KLF12: variants seen among roughly 807,000 people sequenced by gnomAD.
KLF12 encodes the protein KLF transcription factor 12, also known as Krueppel-like factor 12.
A neutral mutation model predicts 37.8 loss-of-function variants in KLF12; 9 were observed. The ratio of observed to expected loss-of-function variants is 0.24; its 90% confidence interval spans 0.14 to 0.42. The LOEUF is 0.42. KLF12 is among the 10% of genes least tolerant of loss of function. KLF12 has a pLI of 1.00. For missense variants in KLF12, 411 were observed against 516.0 expected, an observed-to-expected ratio of 0.80 and a Z score of 1.97; for synonymous variants, 208 against 202.1, an observed-to-expected ratio of 1.03 and a Z score of -0.25.
intron 3 of KLF12, among the ~76,000 whole-genome samples, chr13:73,918,527 C>T (rs1888956775): frequency 6.6e-6 from 1 of 152,076 alleles, no homozygotes; most frequent in Admixed American, 6.6e-5. Flanking sequence ...CTATTTTAGG[C>T]CGATTTTTAT....
chr13:74,136,511 G>A (rs1402556322), upstream of KLF12, among the ~76,000 whole-genome samples: 1 of 152,234 alleles, frequency 6.6e-6, no homozygotes, highest in African/African-American at 2.4e-5. Context: ...GTGGAAGGAT[G>A]CTGTAAGAAA....
At chr13:73,747,514 G>A (rs1372577758) in intron 6 of KLF12, among the ~76,000 whole-genome samples, 2 of 152,148 alleles carry the variant, frequency 1.3e-5, no homozygotes, top group Non-Finnish European at 2.9e-5. Flanking sequence ...ATCTATTAAA[G>A]GGTCAAAGTA....
chr13:73,993,821 C>T (rs1376404923), intron 2 of KLF12, among the ~76,000 whole-genome samples: 1 of 152,170 alleles, frequency 6.6e-6, no homozygotes, highest in Non-Finnish European at 1.5e-5. Context: ...GGAATAATTA[C>T]ACCACAGGAA....
intron 1 of KLF12, among the ~76,000 whole-genome samples, chr13:74,038,896 A>T (rs771272939): frequency 6.6e-6 from 1 of 152,022 alleles, no homozygotes; most frequent in Non-Finnish European, 1.5e-5. Context: ...CTTAGGGACG[A>T]TAACATCCCA....
intron 7 of KLF12, among the ~76,000 whole-genome samples, chr13:73,713,242 G>C (rs1875538844): frequency 6.6e-6 from 1 of 152,162 alleles, no homozygotes; most frequent in Non-Finnish European, 1.5e-5. Context: ...TCAACCAGAA[G>C]GTTCCAAGAC....
At chr13:73,941,515 G>A (rs1890184404) in intron 3 of KLF12, among the ~76,000 whole-genome samples, 1 of 152,114 alleles carries the variant, frequency 6.6e-6, no homozygotes, top group Non-Finnish European at 1.5e-5. Context: ...AGTCATAAAT[G>A]AGGAAGTCAT....
At chr13:73,858,354 C>T (rs755027982) in intron 3 of KLF12, among the ~76,000 whole-genome samples, 6 of 152,152 alleles carry the variant, frequency 3.9e-5, no homozygotes, top group South Asian at 4.1e-4. Flanking sequence ...AAAATTAACA[C>T]ATCCACTTAT....
chr13:74,047,652 T>C (rs1167117186), intron 1 of KLF12, among the ~76,000 whole-genome samples: 6 of 150,812 alleles, frequency 4.0e-5, no homozygotes, highest in African/African-American at 1.2e-4. Flanking sequence ...AGCAGCTGTA[T>C]TGCTGCCACA....
chr13:73,793,590 C>G (rs1881807887), intron 5 of KLF12, among the ~76,000 whole-genome samples: 1 of 152,168 alleles, frequency 6.6e-6, no homozygotes, highest in South Asian at 2.1e-4. Context: ...AGACTCCTTT[C>G]CAGTACAACT....
At chr13:73,852,272 T>G (rs538413075) in intron 3 of KLF12, among the ~76,000 whole-genome samples, 2 of 152,224 alleles carry the variant, frequency 1.3e-5, no homozygotes, top group East Asian at 3.9e-4. Context: ...TTTATAAAAC[T>G]GACAAAAACG....
chr13:73,839,258 A>ATTTTTTT (rs768668350), intron 4 of KLF12, among the ~76,000 whole-genome samples: 2 of 113,042 alleles, frequency 1.8e-5, no homozygotes, highest in Non-Finnish European at 3.8e-5. Flanking sequence ...ATACCTGGTT[A>ATTTTTTT]TTTTTTTTTT....
chr13:74,083,393 G>T (rs1002577538), intron 1 of KLF12, among the ~76,000 whole-genome samples: 1 of 151,804 alleles, frequency 6.6e-6, no homozygotes, highest in Non-Finnish European at 1.5e-5. Flanking sequence ...TGTAGTCCCC[G>T]CTACTCAACA....
intron 5 of KLF12, among the ~76,000 whole-genome samples, chr13:73,811,620 C>T (rs1227331232): frequency 3.9e-5 from 6 of 152,138 alleles, no homozygotes. Flanking sequence ...GTAGCTGTAT[C>T]AAAACCTTCT....
At chr13:74,070,687 G>A (rs1400793583) in intron 1 of KLF12, among the ~76,000 whole-genome samples, 3 of 152,148 alleles carry the variant, frequency 2.0e-5, no homozygotes, top group African/African-American at 7.2e-5. Flanking sequence ...TCTTGGTGAA[G>A]CAGATACTAA....
At chr13:73,771,680 C>A (rs368431035) in intron 5 of KLF12, among the ~76,000 whole-genome samples, 1 of 152,138 alleles carries the variant, frequency 6.6e-6, no homozygotes, top group African/African-American at 2.4e-5. Flanking sequence ...AGGATCCCTG[C>A]CCTCAGGCAG....
chr13:74,211,739 G>A, the KLF12 span, among the ~76,000 whole-genome samples: 3 of 152,278 alleles, frequency 2.0e-5, no homozygotes, highest in South Asian at 6.2e-4. Context: ...TTTCCAGTAG[G>A]AGAGGCAGAT....
the KLF12 span, among the ~76,000 whole-genome samples, chr13:74,272,732 A>T: frequency 6.6e-6 from 1 of 152,208 alleles, no homozygotes; most frequent in Non-Finnish European, 1.5e-5. Context: ...TTAAATACTT[A>T]GAAGAAGGCT....
chr13:74,101,157 G>A (rs1010920029), intron 1 of KLF12, among the ~76,000 whole-genome samples: 18 of 151,988 alleles, frequency 1.2e-4, no homozygotes, highest in East Asian at 1.9e-4. Context: ...TGCAAGCCAC[G>A]AGGAGCTCTG....
chr13:74,217,126 T>C, the KLF12 span, among the ~76,000 whole-genome samples: 2 of 152,210 alleles, frequency 1.3e-5, no homozygotes, highest in East Asian at 1.9e-4. Context: ...CCTTATCTAT[T>C]CTTTCCTTGG....
Sources: allele counts gnomAD v4.1 joint callset (sites outside exome capture counted in the v4.1 genomes callset), GRCh38; gene constraint gnomAD v4.1.1; transcripts MANE v1.5; gene names NCBI Gene and HGNC (gene_info 2026-07-23, HGNC 2026-07-21).